RPS12: variants seen among roughly 807,000 people sequenced by gnomAD.
The protein encoded by RPS12 is ribosomal protein S12, also known as small ribosomal subunit protein eS12.
A neutral mutation model predicts 17.2 loss-of-function variants in RPS12; 1 was observed. The observed-to-expected ratio is 0.06, with a 90% CI of 0.02 to 0.28. The LOEUF is 0.28. Ranked by LOEUF, RPS12 falls within the 10% of genes least tolerant of loss-of-function variation. The pLI, the probability that RPS12 is intolerant of heterozygous loss-of-function variation, is 1.00. For synonymous variants in RPS12, 67 were observed against 54.0 expected (o/e 1.24, Z -1.06); for missense variants, 146 against 162.1 (o/e 0.90, Z 0.54).
At chr6:132,816,653 G>A in intron 4 of RPS12, 90 bp downstream of exon 4, 2 of 927,964 alleles carry the variant, frequency 2.2e-6, no homozygotes, top group Non-Finnish European at 3.5e-6. Flanking sequence ...TGTTCATTTT[G>A]TGCAGGTGTA....
At position 132,815,105 on chromosome 6, in the gene RPS12, C is replaced by A. The variant is rs763362468; in HGVS notation, c.131+17C>A. ...CTTAGACAAGTACGTGTATCAGTCT[C>A]AATACTGTGGGTTCTTGCAACCGGA... is the stretch of plus-strand genomic sequence containing the variant. On this transcript the variant is annotated intron_variant, in intron 3 of 5. Coordinates refer to ENST00000230050, the MANE Select transcript of RPS12 (RefSeq NM_001016.4). 6.7e-7 allele frequency: 1 copy of A among 1,498,058 alleles called. No homozygotes were observed. Among genetic ancestry groups the A allele is most frequent in the Non-Finnish European group, 9.3e-7 (1 of 1,074,978 alleles). The allele number at this position is 1,498,058 out of a possible 1,614,324, so 92.8% of individuals were successfully genotyped here. A position where few individuals can be genotyped will look rare whatever the true frequency, so the allele number is the denominator to read the frequency against.
rs757533583 is a variant in RPS12, at chr6:132,814,957, T to TGTGTCGC, written c.15-12_15-6dup. The TGTGTCGC allele has an allele frequency of 1.3e-6, 2 of 1,548,738 alleles. No individual in the cohort carries two copies. Among genetic ancestry groups the TGTGTCGC allele is most frequent in the Non-Finnish European group, 1.8e-6 (2 of 1,120,456 alleles). ...TGAGGATTTTAACTGATGGTTCTGA[T>TGTGTCGC]GTGTCGCGTTTAAGCATTGCTGCTG... is the stretch of plus-strand genomic sequence containing the variant. On this transcript the variant is annotated splice_polypyrimidine_tract_variant and intron_variant, in intron 2 of 5. Transcript: ENST00000230050.
At position 132,815,253 on chromosome 6, in the gene RPS12, C is replaced by CTTAA. The variant is rs1344070445; in HGVS notation, c.131+166_131+169dup. ...TCAGAACTCAGATCTATAAAGCCCACTTAAAATGTGTGGGTTGCTGTTTGG... is the reference window on the plus strand; with the variant it reads ...TCAGAACTCAGATCTATAAAGCCCACTTAATTAAAATGTGTGGGTTGCTGTTTGG... On this transcript the variant is annotated intron_variant, in intron 3 of 5. Transcript: ENST00000230050. 5.3e-6 allele frequency: 4 copies of CTTAA among 749,268 alleles called. No homozygotes were observed. The African/African-American group carries it at 6.8e-5, about 13-fold the overall frequency. The allele number at this position is 749,268 out of a possible 1,614,324, so 46.4% of individuals were successfully genotyped here.
rs750831956 is a variant in RPS12, at chr6:132,817,359, A to G, written c.337-121A>G. ...AGAATGGCTATAACAAATCTTAGTG[A>G]TGGGAAACATTTTTATAAGACATAG... On this transcript the variant is annotated intron_variant, in intron 5 of 5. Coordinates refer to ENST00000230050, the MANE Select transcript of RPS12 (RefSeq NM_001016.4). The G allele has an allele frequency of 1.6e-5, 13 of 822,664 alleles. No homozygotes were observed. In the Admixed American group the frequency reaches 1.7e-4, roughly 11 times the overall value. 51.0% of individuals were successfully genotyped at this position (822,664 alleles called of 1,614,324 possible).
chr6:132,816,747 A>C, intron 4 of RPS12, 184 bp downstream of exon 4: 1 of 768,640 alleles, frequency 1.3e-6, no homozygotes, highest in Non-Finnish European at 2.4e-6. Flanking sequence ...TTGAATCCTA[A>C]TTTTGACGTT....
rs781103099 is a variant in RPS12 at position 132,814,952 on chromosome 6, T to A, written c.15-20T>A. 2.0e-6 allele frequency: 3 copies of A among 1,529,794 alleles called. No homozygotes were observed. Among genetic ancestry groups the A allele is most frequent in the Non-Finnish European group, 2.7e-6 (3 of 1,103,284 alleles). The allele number at this position is 1,529,794 out of a possible 1,614,324, so 94.8% of individuals were successfully genotyped here. On this transcript the variant is annotated intron_variant, in intron 2 of 5. Coordinates refer to ENST00000230050, the MANE Select transcript of RPS12 (RefSeq NM_001016.4). ...TGGTGTGAGGATTTTAACTGATGGT[T>A]CTGATGTGTCGCGTTTAAGCATTGC...
At chr6:132,814,950 G>T in intron 2 of RPS12, 22 bp from the exon 3 acceptor site, 1 of 1,521,632 alleles carries the variant, frequency 6.6e-7, no homozygotes, top group Non-Finnish European at 9.1e-7. Context: ...TTAACTGATG[G>T]TTCTGATGTG....
intron 3 of RPS12, chr6:132,815,688 T>A (rs1412800452): frequency 2.2e-6 from 1 of 456,606 alleles, no homozygotes; most frequent in African/African-American, 2.0e-5. Flanking sequence ...CAAGTTCGTT[T>A]TGGTGTAATC....
At chr6:132,816,384 A>G (rs1782062708) in intron 3 of RPS12, 77 bp from the exon 4 acceptor site, 2 of 1,083,752 alleles carry the variant, frequency 1.8e-6, no homozygotes, top group African/African-American at 1.5e-5. Flanking sequence ...TAGTGCAAAG[A>G]TAACCCTCCT....
intron 5 of RPS12, 63 bp downstream of exon 5, chr6:132,817,124 GA>G: frequency 9.8e-7 from 1 of 1,018,772 alleles, no homozygotes; most frequent in Non-Finnish European, 1.5e-6. Flanking sequence ...ACCTTGTATT[GA>G]AATAAGTTGA....
chr6:132,816,557 A>G lies in RPS12; in HGVS notation c.228A>G (p.Leu76=). 1 of 1,591,282 alleles carries G rather than the reference A, an allele frequency of 6.3e-7. No individual in the cohort carries two copies. Among genetic ancestry groups the G allele is most frequent in the Non-Finnish European group, 8.5e-7 (1 of 1,170,988 alleles). ...EALCAEHQIN[L]IKVDDNKKLG... The stretch of plus-strand genomic sequence containing the variant: ...TTTGTGCTGAACACCAAATCAACCT[A>G]ATTAAGGTAAGGCTGCTAAGGATTG... The change falls in exon 4 of 6, where the codon CTA becomes CTG. Residue 76 remains leucine (L), a synonymous_variant. Coordinates refer to ENST00000230050, the MANE Select transcript of RPS12 (RefSeq NM_001016.4).
intron 3 of RPS12, chr6:132,815,908 T>A (rs1782045990): frequency 2.2e-6 from 1 of 453,276 alleles, no homozygotes; most frequent in East Asian, 7.0e-5. Flanking sequence ...AGTGGCGCGA[T>A]CTCATTGCAA....
intron 5 of RPS12, 83 bp downstream of exon 5, chr6:132,817,144 T>C: frequency 3.2e-6 from 3 of 940,070 alleles, no homozygotes; most frequent in Non-Finnish European, 3.5e-6. Flanking sequence ...GAGGATCTTA[T>C]AAAAGGAAAA....
At chr6:132,816,615 TG>T in intron 4 of RPS12, 52 bp downstream of exon 4, 1 of 1,205,048 alleles carries the variant, frequency 8.3e-7, no homozygotes, top group African/African-American at 1.5e-5. Context: ...TGCTTGTATA[TG>T]GGGGTAAATT....
intron 3 of RPS12, 65 bp downstream of exon 3, chr6:132,815,153 G>C (rs951510272): frequency 1.4e-5 from 14 of 1,027,902 alleles, no homozygotes; most frequent in Non-Finnish European, 2.2e-5. Context: ...CCCAAGGGAA[G>C]AAGGCATGGA....
Position 132,815,306 on chromosome 6 carries a change from T to A in RPS12, c.131+218T>A, listed in dbSNP as rs1782021894. On this transcript the variant is annotated intron_variant, in intron 3 of 5. Coordinates refer to ENST00000230050, the MANE Select transcript of RPS12 (RefSeq NM_001016.4). ...TGGGGATAAGCACTCAAAACTACAGTGTTTGAATGATGACTTTAATTGTCG... is the reference window on the plus strand; with the variant it reads ...TGGGGATAAGCACTCAAAACTACAGAGTTTGAATGATGACTTTAATTGTCG... 6 of 726,150 alleles carry A rather than the reference T, an allele frequency of 8.3e-6. No homozygotes were observed. In the East Asian group the frequency reaches 1.3e-4, roughly 16 times the overall value. The allele number at this position is 726,150 out of a possible 1,614,324, so 45.0% of individuals were successfully genotyped here.
chr6:132,815,814 A>G (rs1398014675), intron 3 of RPS12: 2 of 445,352 alleles, frequency 4.5e-6, no homozygotes, highest in Non-Finnish European at 8.9e-6. Context: ...TAACTGTTCC[A>G]TTAATGCCAC....
chr6:132,815,831 T>C, intron 3 of RPS12: 1 of 433,972 alleles, frequency 2.3e-6, no homozygotes, highest in Non-Finnish European at 4.5e-6. Flanking sequence ...CCACAGTCTT[T>C]TTTTTTTCTT....
chr6:132,815,400 C>A (rs543021333), intron 3 of RPS12: 1 of 555,994 alleles, frequency 1.8e-6, no homozygotes, highest in Non-Finnish European at 3.5e-6. Context: ...TGGAGCTAGT[C>A]AGTCTTATAC....
Sources: allele counts gnomAD v4.1 joint callset, GRCh38; gene constraint gnomAD v4.1.1; transcripts MANE v1.5; gene names NCBI Gene and HGNC (gene_info 2026-07-23, HGNC 2026-07-21).